The following MACROD2 variants were observed in gnomAD, a reference collection of about 807,000 sequenced individuals.
MACROD2 encodes mono-ADP ribosylhydrolase 2.
A neutral mutation model predicts 70.4 loss-of-function variants in MACROD2; 36 were observed. The observed-to-expected ratio is 0.51, with a 90% CI of 0.39 to 0.68. The LOEUF is 0.68. Ranked by LOEUF, MACROD2 falls within the 30% of genes least tolerant of loss-of-function variation. MACROD2 has a pLI of 0.00. For synonymous variants in MACROD2, 172 were observed against 178.8 expected, an observed-to-expected ratio of 0.96 and a Z score of 0.30; for missense variants, 496 against 538.4, an observed-to-expected ratio of 0.92 and a Z score of 0.78.
intron 3 of MACROD2, among the ~76,000 whole-genome samples, chr20:14,445,864 A>G (rs1333742634): frequency 6.6e-6 from 1 of 152,182 alleles, no homozygotes; most frequent in Non-Finnish European, 1.5e-5. Context: ...ATCTAGTTCC[A>G]ACAGTCATTT....
intron 4 of MACROD2, among the ~76,000 whole-genome samples, chr20:14,603,922 C>T (rs781409006): frequency 2.0e-5 from 3 of 152,012 alleles, no homozygotes; most frequent in East Asian, 1.9e-4. Flanking sequence ...AATCACAGGC[C>T]GGCCTCCTGC....
At chr20:16,028,372 G>A (rs2067108243) in intron 15 of MACROD2, among the ~76,000 whole-genome samples, 1 of 137,450 alleles carries the variant, frequency 7.3e-6, no homozygotes, top group Non-Finnish European at 1.6e-5. Flanking sequence ...AGGCATTGAA[G>A]TACCTGGTGG....
At chr20:14,977,127 C>T (rs1235564672) in intron 5 of MACROD2, among the ~76,000 whole-genome samples, 1 of 151,970 alleles carries the variant, frequency 6.6e-6, no homozygotes, top group Non-Finnish European at 1.5e-5. Flanking sequence ...TTCAAGTTAG[C>T]ATGAAGTCAG....
chr20:15,085,213 A>T (rs2075737581), intron 5 of MACROD2, among the ~76,000 whole-genome samples: 1 of 152,076 alleles, frequency 6.6e-6, no homozygotes, highest in Non-Finnish European at 1.5e-5. Context: ...TGGACCCTCT[A>T]TCTCACATCA....
intron 6 of MACROD2, among the ~76,000 whole-genome samples, chr20:15,240,824 TC>T (rs1442412902): frequency 6.6e-6 from 1 of 152,108 alleles, no homozygotes; most frequent in African/African-American, 2.4e-5. Flanking sequence ...AGGCCTTGCT[TC>T]CCCTGACTCT....
At chr20:15,599,346 C>T (rs896492771) in intron 8 of MACROD2, among the ~76,000 whole-genome samples, 2 of 152,126 alleles carry the variant, frequency 1.3e-5, no homozygotes, top group African/African-American at 4.8e-5. Context: ...GAGCCGAGAT[C>T]GCGCCACTGC....
chr20:14,754,898 A>G (rs1166354244), intron 5 of MACROD2, among the ~76,000 whole-genome samples: 2 of 148,392 alleles, frequency 1.3e-5, no homozygotes, highest in Non-Finnish European at 3.0e-5. Flanking sequence ...CAAATTTTCT[A>G]TTTTTTTGTT....
chr20:14,873,987 A>G (rs1002058488), intron 5 of MACROD2, among the ~76,000 whole-genome samples: 4 of 152,194 alleles, frequency 2.6e-5, no homozygotes, highest in African/African-American at 7.2e-5. Context: ...AATTGAGTCA[A>G]CCCTAATTTG....
At chr20:14,875,910 A>G (rs930807699) in intron 5 of MACROD2, among the ~76,000 whole-genome samples, 12 of 152,126 alleles carry the variant, frequency 7.9e-5, no homozygotes, top group Non-Finnish European at 1.6e-4. Flanking sequence ...GATGGATTCC[A>G]TGTCTTTGCT....
At chr20:15,325,295 G>A (rs1362979393) in intron 6 of MACROD2, among the ~76,000 whole-genome samples, 2 of 152,088 alleles carry the variant, frequency 1.3e-5, no homozygotes, top group African/African-American at 2.4e-5. Flanking sequence ...TGAGGTACAA[G>A]GAAATGGATT....
chr20:15,475,535 G>T (rs1055185933), intron 7 of MACROD2, among the ~76,000 whole-genome samples: 3 of 152,188 alleles, frequency 2.0e-5, no homozygotes, highest in East Asian at 3.9e-4. Flanking sequence ...GGTGAAAACA[G>T]AACTACATTT....
intron 6 of MACROD2, among the ~76,000 whole-genome samples, chr20:15,382,212 C>T (rs1037401445): frequency 1.3e-5 from 2 of 152,088 alleles, no homozygotes; most frequent in Non-Finnish European, 2.9e-5. Context: ...CTCGCCACTC[C>T]CTCATTCCCT....
chr20:14,722,428 G>C (rs1350107069), intron 5 of MACROD2, among the ~76,000 whole-genome samples: 2 of 152,116 alleles, frequency 1.3e-5, no homozygotes, highest in African/African-American at 2.4e-5. Context: ...GTTTCTGACA[G>C]GGCATGTGGC....
chr20:15,824,696 C>T (rs578207096), intron 8 of MACROD2, among the ~76,000 whole-genome samples: 3 of 152,210 alleles, frequency 2.0e-5, no homozygotes, highest in South Asian at 2.1e-4. Context: ...AATATGCAGC[C>T]GATGAGTATT....
At chr20:15,605,274 T>C (rs2048876767) in intron 8 of MACROD2, among the ~76,000 whole-genome samples, 1 of 152,200 alleles carries the variant, frequency 6.6e-6, no homozygotes, top group Non-Finnish European at 1.5e-5. Flanking sequence ...TCTTCCTCTC[T>C]CTGAGCACTC....
intron 6 of MACROD2, among the ~76,000 whole-genome samples, chr20:15,329,944 A>C (rs1205114106): frequency 6.6e-6 from 1 of 152,022 alleles, no homozygotes; most frequent in Non-Finnish European, 1.5e-5. Flanking sequence ...CCCTTATTTG[A>C]GAGGTGCCTT....
rs147543411 is a variant in MACROD2, at chr20:15,435,537, T to C, written c.571+4102T>C. ...TCCATTTGAAGATCACCATGTTCCC[T>C]GTCCTCCCCAGTGTTTGGTATTGCC... On this transcript the variant is annotated intron_variant, in intron 7 of 17. Coordinates refer to ENST00000684519, the MANE Select transcript of MACROD2 (RefSeq NM_001351661.2). 1.1e-3 allele frequency among the ~76,000 whole-genome samples: 175 copies of C among 152,320 alleles called. 2 individuals are homozygous for C. The highest frequency in any genetic ancestry group is 3.6e-3 in the African/African-American group (149 of 41,580).
chr20:15,685,950 T>C (rs2050219240), intron 8 of MACROD2, among the ~76,000 whole-genome samples: 1 of 152,218 alleles, frequency 6.6e-6, no homozygotes, highest in African/African-American at 2.4e-5. Context: ...GTATGTGTGT[T>C]ATTTACCACT....
chr20:15,258,773 T>C (rs1227777960), intron 6 of MACROD2, among the ~76,000 whole-genome samples: 1 of 152,066 alleles, frequency 6.6e-6, no homozygotes, highest in African/African-American at 2.4e-5. Flanking sequence ...ATGAAATGAA[T>C]ATATGTCAAA....
Sources: gnomAD v4.1 joint callset for allele counts (sites outside exome capture counted in the v4.1 genomes callset) on GRCh38, gnomAD v4.1.1 for gene constraint, MANE v1.5 for transcripts, NCBI Gene and HGNC (gene_info 2026-07-23, HGNC 2026-07-21) for gene names.